The following DAB1 variants were observed in gnomAD, a reference collection of about 807,000 sequenced individuals.
DAB1 encodes disabled homolog 1.
In DAB1, 15 loss-of-function variants were observed where a neutral mutation model predicts 64.6. The observed-to-expected ratio is 0.23, with a 90% CI of 0.16 to 0.36. The LOEUF (loss-of-function observed/expected upper bound fraction) is 0.36, where lower values mean the gene tolerates loss of function less well. Among genes scored for constraint, DAB1 ranks in the 10% least tolerant of loss-of-function variants. The pLI is 1.00. For synonymous variants in DAB1, 235 were observed against 251.9 expected, an observed-to-expected ratio of 0.93 and a Z score of 0.64; for missense variants, 596 against 706.7, an observed-to-expected ratio of 0.84 and a Z score of 1.78.
intron 5 of DAB1, among the ~76,000 whole-genome samples, chr1:58,137,058 A>AGT (rs992452348): frequency 2.6e-5 from 4 of 152,094 alleles, no homozygotes; most frequent in Admixed American, 6.6e-5. Flanking sequence ...TGAGTCAGGA[A>AGT]GTGTGTGTGT....
intron 3 of DAB1, among the ~76,000 whole-genome samples, chr1:58,419,887 C>T (rs1016155821): frequency 2.0e-5 from 3 of 152,180 alleles, no homozygotes; most frequent in Admixed American, 6.5e-5. Flanking sequence ...ATTAGATGGG[C>T]CTGGCTTCTG....
intron 4 of DAB1, among the ~76,000 whole-genome samples, chr1:58,332,886 T>TGTC (rs1186187384): frequency 6.6e-6 from 1 of 151,846 alleles, no homozygotes; most frequent in African/African-American, 2.4e-5. Flanking sequence ...GTTTAGCTTA[T>TGTC]GTCACCCTTT....
chr1:57,181,743 G>T (rs2100970780), intron 2 of DAB1, among the ~76,000 whole-genome samples: 1 of 152,338 alleles, frequency 6.6e-6, no homozygotes, highest in East Asian at 1.9e-4. Context: ...CAAGGGCTTT[G>T]AAGACAGGCA....
At chr1:57,929,635 T>C (rs781239915) in intron 5 of DAB1, among the ~76,000 whole-genome samples, 1 of 152,214 alleles carries the variant, frequency 6.6e-6, no homozygotes, top group Non-Finnish European at 1.5e-5. Flanking sequence ...AGTTAGCCCA[T>C]AGTTCTACAA....
At chr1:58,461,315 G>C (rs995183628) in intron 3 of DAB1, among the ~76,000 whole-genome samples, 1 of 152,120 alleles carries the variant, frequency 6.6e-6, no homozygotes, top group Non-Finnish European at 1.5e-5. Context: ...ATTGCCAGTA[G>C]AGGAATATGA....
rs562705331 is a variant in DAB1 at position 57,555,159 on chromosome 1, C to T, written n.625+94433G>A. ...AAGTGATTCTCCTCTCTCAGCCTCCCAAGTAGCTGGGACTACAGGCACGTG... is the reference window on the plus strand; with the variant it reads ...AAGTGATTCTCCTCTCTCAGCCTCCTAAGTAGCTGGGACTACAGGCACGTG... On this transcript the variant is annotated intron_variant and non_coding_transcript_variant, in intron 7 of 20. Coordinates refer to the DAB1 transcript ENST00000485760. Among the ~76,000 whole-genome samples, 10 of 149,832 alleles carry T rather than the reference C, an allele frequency of 6.7e-5. 1 individual carries two copies. The South Asian group carries it at 8.5e-4, about 13-fold the overall frequency.
intron 7 of DAB1, among the ~76,000 whole-genome samples, chr1:57,518,304 A>C (rs191242542): frequency 6.6e-5 from 10 of 151,766 alleles, no homozygotes; most frequent in Non-Finnish European, 1.5e-5. Flanking sequence ...TGCTGTGCTC[A>C]CTCTGTCCTT....
chr1:58,315,013 G>A (rs1243654879), intron 4 of DAB1, among the ~76,000 whole-genome samples: 2 of 152,216 alleles, frequency 1.3e-5, no homozygotes, highest in African/African-American at 4.8e-5. Flanking sequence ...CCAAGCCCAT[G>A]CTCTAAAATA....
intron 1 of DAB1, among the ~76,000 whole-genome samples, chr1:57,359,504 T>TACATTCC (rs1288540330): frequency 6.6e-6 from 1 of 152,064 alleles, no homozygotes; most frequent in African/African-American, 2.4e-5. Context: ...TGTAGATTAG[T>TACATTCC]ACAGCCATTG....
At chr1:58,242,113 C>A (rs1660322817) in intron 4 of DAB1, among the ~76,000 whole-genome samples, 1 of 152,002 alleles carries the variant, frequency 6.6e-6, no homozygotes, top group Non-Finnish European at 1.5e-5. Flanking sequence ...ATACTTGTTC[C>A]ATTAAAAACT....
downstream of DAB1, among the ~76,000 whole-genome samples, chr1:57,823,649 T>A (rs988547774): frequency 5.9e-5 from 9 of 152,194 alleles, no homozygotes; most frequent in African/African-American, 2.2e-4. Context: ...GTGCAAAGTA[T>A]TAACCTCATC....
chr1:57,484,683 G>C (rs1441945645), intron 7 of DAB1, among the ~76,000 whole-genome samples: 1 of 152,150 alleles, frequency 6.6e-6, no homozygotes, highest in African/African-American at 2.4e-5. Flanking sequence ...ATATATTTGA[G>C]AGTCACAGAC....
chr1:57,735,630 T>TC (rs1422815054), intron 6 of DAB1, among the ~76,000 whole-genome samples: 2 of 150,826 alleles, frequency 1.3e-5, no homozygotes, highest in Admixed American at 6.6e-5. Context: ...TTTTTTTTTT[T>TC]TTTAGTTAGA....
chr1:57,491,906 G>C (rs1250997960), intron 7 of DAB1, among the ~76,000 whole-genome samples: 1 of 152,196 alleles, frequency 6.6e-6, no homozygotes, highest in Non-Finnish European at 1.5e-5. Flanking sequence ...TGAGATTCTA[G>C]AAGGCAGAAA....
rs533358709 is a variant in DAB1, at chr1:57,526,116, T to C, written n.625+123476A>G. Among the ~76,000 whole-genome samples the C allele has an allele frequency of 2.6e-5, 4 of 152,026 alleles. No individual in the cohort carries two copies. In the South Asian group the frequency reaches 8.3e-4, roughly 32 times the overall value. ...CCACACCCAGCTAATTTTTGTATTT[T>C]CAGTAGAGACGGGGTTTCACCATGT... On this transcript the variant is annotated intron_variant and non_coding_transcript_variant, in intron 7 of 20. Transcript: ENST00000485760.
chr1:57,497,306 T>G (rs1644242186), intron 7 of DAB1, among the ~76,000 whole-genome samples: 1 of 152,256 alleles, frequency 6.6e-6, no homozygotes, highest in Non-Finnish European at 1.5e-5. Flanking sequence ...GATGCAGGTT[T>G]CACAAGGACA....
chr1:58,194,150 T>G (rs1428342804), intron 4 of DAB1, among the ~76,000 whole-genome samples: 1 of 152,178 alleles, frequency 6.6e-6, no homozygotes, highest in Non-Finnish European at 1.5e-5. Context: ...TTATTTTAAT[T>G]TACTTCTCAG....
At chr1:57,187,833 AAGAGAGAG>A (rs138251089) in intron 2 of DAB1, among the ~76,000 whole-genome samples, 2 of 150,138 alleles carry the variant, frequency 1.3e-5, no homozygotes, top group African/African-American at 4.9e-5. Context: ...GAGTCACTGA[AAGAGAGAG>A]AGAGAGAGAG....
chr1:57,561,876 G>A (rs1302968998), intron 7 of DAB1, among the ~76,000 whole-genome samples: 1 of 152,202 alleles, frequency 6.6e-6, no homozygotes, highest in Admixed American at 6.5e-5. Flanking sequence ...GTAGCAGGTT[G>A]ATTATATCAG....
Sources: allele counts gnomAD v4.1 joint callset (sites outside exome capture counted in the v4.1 genomes callset), GRCh38; gene constraint gnomAD v4.1.1; transcripts MANE v1.5; gene names NCBI Gene and HGNC (gene_info 2026-07-23, HGNC 2026-07-21).